Variants in ALDH9A1 observed in about 807,000 individuals in gnomAD.
The protein encoded by ALDH9A1 is 4-trimethylaminobutyraldehyde dehydrogenase.
ALDH9A1 carries 42 observed loss-of-function variants against 56.6 expected under a neutral mutation model. The observed-to-expected ratio is 0.74, with a 90% CI of 0.58 to 0.96. The LOEUF is 0.96. Among genes scored for constraint, ALDH9A1 ranks in the 40% least tolerant of loss-of-function variants. ALDH9A1 has a pLI of 0.00. For synonymous variants in ALDH9A1, 242 were observed against 236.0 expected (o/e 1.03, Z -0.23); for missense variants, 661 against 651.5 (o/e 1.01, Z -0.16).
chr1:165,677,329 G>A (rs552116269), intron 6 of ALDH9A1, among the ~76,000 whole-genome samples: 177 of 151,970 alleles, frequency 1.2e-3, no homozygotes, highest in Middle Eastern at 0.01. Flanking sequence ...ACTGCACTCC[G>A]GCCTGGGCAA....
At position 165,674,717 on chromosome 1, in the gene ALDH9A1, A is replaced by T. The variant is rs562920669; in HGVS notation, c.930+4725T>A. Reference sequence around the variant, plus strand: ...AAAAAAAAAAAAAATTAAAAATAGAACCATCCTATGATTCAGCAATTCCTC... The same window carrying T: ...AAAAAAAAAAAAAATTAAAAATAGATCCATCCTATGATTCAGCAATTCCTC... On this transcript the variant is annotated intron_variant, in intron 6 of 10. Coordinates refer to ENST00000354775, the MANE Select transcript of ALDH9A1 (RefSeq NM_000696.4). Among the ~76,000 whole-genome samples, 19 of 151,878 alleles carry T rather than the reference A, an allele frequency of 1.3e-4. No individual in the cohort carries two copies. The East Asian group carries it at 3.5e-3, about 28-fold the overall frequency.
intron 2 of ALDH9A1, among the ~76,000 whole-genome samples, chr1:165,684,486 T>C (rs986882148): frequency 3.3e-5 from 5 of 152,176 alleles, no homozygotes; most frequent in African/African-American, 1.2e-4. Flanking sequence ...AGAAAGAGGG[T>C]ACCCTAAGAG....
Position 165,669,052 on chromosome 1 carries a change from T to C in ALDH9A1, c.1120-39A>G, listed in dbSNP as rs780297793. 42 of 1,518,782 alleles carry C rather than the reference T, an allele frequency of 2.8e-5. No homozygotes were observed. In the South Asian group the frequency reaches 3.9e-4, roughly 14 times the overall value. The allele number at this position is 1,518,782 out of a possible 1,614,324, so 94.1% of individuals were successfully genotyped here. ...AAAAAGATATGTTGTATTAAAAATA[T>C]AACCCCAAAATGCATTCCTGAAATG... is the stretch of plus-strand genomic sequence containing the variant. On this transcript the variant is annotated intron_variant, in intron 7 of 10. Coordinates refer to ENST00000354775, the MANE Select transcript of ALDH9A1 (RefSeq NM_000696.4).
intron 2 of ALDH9A1, among the ~76,000 whole-genome samples, chr1:165,688,357 C>T (rs1649777801): frequency 6.6e-6 from 1 of 152,046 alleles, no homozygotes; most frequent in Admixed American, 6.6e-5. Flanking sequence ...TGAAGAAATT[C>T]CTTCTAGCAG....
At chr1:165,690,009 A>G in intron 2 of ALDH9A1, among the ~76,000 whole-genome samples, 1 of 138,156 alleles carries the variant, frequency 7.2e-6, no homozygotes, top group Non-Finnish European at 1.6e-5. Flanking sequence ...GCTGTAATAA[A>G]CCATCCTTCT....
chr1:165,698,504 G>A lies in ALDH9A1; in HGVS notation c.55C>T (p.Pro19Ser), dbSNP rs935862196. Residue 19 changes from proline to serine, a missense_variant, in exon 1 of 11, where the codon CCC becomes TCC. Transcript: ENST00000354775. ...ALSPLLRSLRPSPVAAMSTGT... is the reference protein window; with the variant it reads ...ALSPLLRSLRSSPVAAMSTGT... ...GTGCTCATGGCGGCGACAGGAGAGG[G>A]CCGAAGACTGCGAAGAAGCGGGGAG... 1.9e-6 allele frequency: 3 copies of A among 1,610,792 alleles called. No homozygotes were observed. In the African/African-American group the frequency reaches 4.0e-5, roughly 22 times the overall value.
chr1:165,697,960 T>C (rs777992767), intron 1 of ALDH9A1, among the ~76,000 whole-genome samples: 1 of 151,980 alleles, frequency 6.6e-6, no homozygotes, highest in African/African-American at 2.4e-5. Context: ...GCCCGTAAGG[T>C]AGAGGGCGCA....
intron 8 of ALDH9A1, 51 bp from the exon 9 acceptor site, chr1:165,667,501 C>A: frequency 1.9e-6 from 3 of 1,590,976 alleles, no homozygotes; most frequent in Non-Finnish European, 2.6e-6. Flanking sequence ...ACAGTGTGCA[C>A]CACCACCCCC....
At chr1:165,675,545 G>A (rs1359365977) in intron 6 of ALDH9A1, among the ~76,000 whole-genome samples, 1 of 152,180 alleles carries the variant, frequency 6.6e-6, no homozygotes, top group Non-Finnish European at 1.5e-5. Context: ...GGACAAAACT[G>A]GGTGGGAAGG....
intron 1 of ALDH9A1, among the ~76,000 whole-genome samples, chr1:165,696,829 TCA>T (rs370608987): frequency 6.6e-5 from 10 of 152,220 alleles, no homozygotes; most frequent in African/African-American, 2.2e-4. Context: ...TGGCTGAGGA[TCA>T]CACACACTGT....
In ALDH9A1 at chr1:165,680,805, C is replaced by T. The variant is rs1277783183; in HGVS notation, c.593-122G>A. ...TTTCCTCTTCCCCAACCAAATCCTA[C>T]ATCAAAAATGTTATTAATAACCATA... On this transcript the variant is annotated intron_variant, in intron 4 of 10. Transcript: ENST00000354775. 5 of 935,980 alleles carry T rather than the reference C, an allele frequency of 5.3e-6. No homozygotes were observed. In the East Asian group the frequency reaches 7.7e-5, roughly 14 times the overall value. The allele number at this position is 935,980 out of a possible 1,614,324, so 58.0% of individuals were successfully genotyped here. A position where few individuals can be genotyped will look rare whatever the true frequency, so the allele number is the denominator to read the frequency against.
Position 165,667,371 on chromosome 1 carries a change from T to C in ALDH9A1, c.1287A>G (p.Glu429=), listed in dbSNP as rs1465229513. The part of the protein sequence containing the change: ...PVMSILSFDT[E]AEVLERANDT... Reference sequence around the variant, plus strand: ...CATTGGCTCTTTCTAGAACCTCAGCTTCAGTGTCAAATGATAAAATGGACA... The same window carrying C: ...CATTGGCTCTTTCTAGAACCTCAGCCTCAGTGTCAAATGATAAAATGGACA... Residue 429 remains glutamate (E), a synonymous_variant, in exon 9 of 11, where the codon GAA becomes GAG. Transcript: ENST00000354775. 2 of 1,614,084 alleles carry C rather than the reference T, an allele frequency of 1.2e-6. No homozygotes were observed. Among genetic ancestry groups the C allele is most frequent in the South Asian group, 2.2e-5 (2 of 91,080 alleles).
chr1:165,673,472 C>T (rs569051101), intron 6 of ALDH9A1, among the ~76,000 whole-genome samples: 1 of 152,190 alleles, frequency 6.6e-6, no homozygotes, highest in African/African-American at 2.4e-5. Flanking sequence ...GCACAAGATC[C>T]AAGAACCCTC....
chr1:165,690,348 A>T (rs930891385), intron 2 of ALDH9A1, among the ~76,000 whole-genome samples: 5 of 151,894 alleles, frequency 3.3e-5, no homozygotes, highest in Non-Finnish European at 7.4e-5. Flanking sequence ...GCTATCCATG[A>T]TTCTTATTTT....
In ALDH9A1 at chr1:165,683,068, C is replaced by G; in HGVS notation, c.370G>C (p.Gly124Arg). Residue 124 changes from glycine (G) to arginine (R), a missense_variant, in exon 3 of 11, where the codon GGC becomes CGC. Gly to Arg is a moderately radical substitution (Grantham distance 125, BLOSUM62 -2). Coordinates refer to ENST00000354775, the MANE Select transcript of ALDH9A1 (RefSeq NM_000696.4). ...EIATMECINN[G>R]KSIFEARLDI... ...AAGCGGGCCTCAAAGATGGACTTGCCATTGTTGATGCACTCCATAGTAGCA... is the reference window on the plus strand; with the variant it reads ...AAGCGGGCCTCAAAGATGGACTTGCGATTGTTGATGCACTCCATAGTAGCA... The G allele has an allele frequency of 6.2e-7, 1 of 1,614,032 alleles. No individual in the cohort carries two copies. Among genetic ancestry groups the G allele is most frequent in the South Asian group, 1.1e-5 (1 of 91,080 alleles).
At chr1:165,688,259 G>C (rs1649775263) in intron 2 of ALDH9A1, among the ~76,000 whole-genome samples, 2 of 152,202 alleles carry the variant, frequency 1.3e-5, no homozygotes, top group South Asian at 4.1e-4. Flanking sequence ...CAAGGCCATA[G>C]TGAGCTATGA....
intron 5 of ALDH9A1, 95 bp from the exon 6 acceptor site, chr1:165,679,677 T>C (rs1233115508): frequency 7.5e-7 from 1 of 1,331,856 alleles, no homozygotes; most frequent in African/African-American, 1.4e-5. Flanking sequence ...CATCTTGAAC[T>C]GTTTGTGACC....
intron 2 of ALDH9A1, among the ~76,000 whole-genome samples, chr1:165,690,992 A>G (rs1317530086): frequency 6.6e-6 from 1 of 152,184 alleles, no homozygotes; most frequent in Non-Finnish European, 1.5e-5. Context: ...TCCCTGTCTG[A>G]CAGCTTTGAA....
chr1:165,681,624 A>C (rs1212569908), intron 4 of ALDH9A1, among the ~76,000 whole-genome samples: 2 of 152,206 alleles, frequency 1.3e-5, no homozygotes, highest in Non-Finnish European at 2.9e-5. Flanking sequence ...TACTGTAAGA[A>C]AACTATTTTA....
Sources: allele counts gnomAD v4.1 joint callset (sites outside exome capture counted in the v4.1 genomes callset), GRCh38; gene constraint gnomAD v4.1.1; transcripts MANE v1.5; gene names NCBI Gene and HGNC (gene_info 2026-07-23, HGNC 2026-07-21).